ROBO1: variants seen among roughly 807,000 people sequenced by gnomAD.
The protein encoded by ROBO1 is roundabout guidance receptor 1.
ROBO1 carries 149 observed loss-of-function variants against 195.9 expected under a neutral mutation model. That is an observed-to-expected ratio of 0.76 (90% CI 0.67 to 0.87). The LOEUF is 0.87. Ranked by LOEUF, ROBO1 falls within the 40% of genes least tolerant of loss-of-function variation. The pLI is 0.00. For synonymous variants in ROBO1, 816 were observed against 733.2 expected (o/e 1.11, Z -1.82); for missense variants, 1,933 against 2,068.3 (o/e 0.93, Z 1.27).
At chr3:79,599,423 CAGTA>C (rs1944274479) in intron 1 of ROBO1, among the ~76,000 whole-genome samples, 1 of 151,954 alleles carries the variant, frequency 6.6e-6, no homozygotes. Context: ...ATCAATAAAA[CAGTA>C]AGACGGTTGT....
chr3:78,752,494 A>G (rs951396690), intron 4 of ROBO1, among the ~76,000 whole-genome samples: 3 of 152,182 alleles, frequency 2.0e-5, no homozygotes, highest in Admixed American at 6.5e-5. Flanking sequence ...ATCAGAAAGC[A>G]TATCATAAAG....
intron 3 of ROBO1, among the ~76,000 whole-genome samples, chr3:78,996,321 A>C (rs146026873): frequency 0.065 from 972 of 14,936 alleles, 7 homozygotes; most frequent in African/African-American, 0.098. Flanking sequence ...ATCTCTATTA[A>C]AAAAACAAAA....
intron 3 of ROBO1, among the ~76,000 whole-genome samples, chr3:79,086,756 C>A (rs1165609611): frequency 6.6e-6 from 1 of 152,064 alleles, no homozygotes; most frequent in Non-Finnish European, 1.5e-5. Context: ...ATATATTCTA[C>A]GGAAGAGACA....
chr3:78,922,385 C>T (rs987942278), intron 4 of ROBO1, among the ~76,000 whole-genome samples: 16 of 151,888 alleles, frequency 1.1e-4, no homozygotes, highest in African/African-American at 3.9e-4. Context: ...CTCAAAGGTC[C>T]TATCATCAGG....
chr3:79,164,454 C>T (rs528300700), intron 2 of ROBO1, among the ~76,000 whole-genome samples: 1 of 152,276 alleles, frequency 6.6e-6, no homozygotes, highest in Middle Eastern at 3.4e-3. Context: ...ATTGCACCAC[C>T]TTTATAATGT....
chr3:79,678,775 T>G (rs1335008558), intron 1 of ROBO1, among the ~76,000 whole-genome samples: 1 of 152,034 alleles, frequency 6.6e-6, no homozygotes, highest in Non-Finnish European at 1.5e-5. Context: ...TTGCCAGCAA[T>G]TATAGTTTTT....
chr3:79,040,037 TTTAAGTTAGATTGATATTAATAACAAG>T (rs959288734), intron 3 of ROBO1, among the ~76,000 whole-genome samples: 1 of 152,072 alleles, frequency 6.6e-6, no homozygotes, highest in African/African-American at 2.4e-5. Context: ...CTATAGACAA[TTTAAGTTAGATTGATATTAATAACAAG>T]TTACAACCAA....
intron 4 of ROBO1, among the ~76,000 whole-genome samples, chr3:78,914,109 A>G (rs527804471): frequency 6.6e-6 from 1 of 152,288 alleles, no homozygotes; most frequent in Non-Finnish European, 1.5e-5. Context: ...ATTTTAATGT[A>G]TGGGCCGTTA....
intron 2 of ROBO1, among the ~76,000 whole-genome samples, chr3:79,453,660 C>CA (rs2039519300): frequency 6.6e-6 from 1 of 152,008 alleles, no homozygotes; most frequent in African/African-American, 2.4e-5. Context: ...TAAAGACTCA[C>CA]ATCAAAAGCC....
chr3:79,608,066 A>C (rs180726365), intron 1 of ROBO1, among the ~76,000 whole-genome samples: 2 of 152,038 alleles, frequency 1.3e-5, no homozygotes, highest in South Asian at 4.1e-4. Context: ...TTTACAAAAC[A>C]TGAAAATAAA....
At chr3:79,373,279 C>T (rs1291351318) in intron 2 of ROBO1, among the ~76,000 whole-genome samples, 3 of 151,412 alleles carry the variant, frequency 2.0e-5, no homozygotes, top group South Asian at 2.1e-4. Context: ...ATGTAAAACA[C>T]GTTTTTTTTT....
At chr3:78,966,258 G>C (rs1447039650) in intron 3 of ROBO1, among the ~76,000 whole-genome samples, 1 of 152,202 alleles carries the variant, frequency 6.6e-6, no homozygotes, top group East Asian at 1.9e-4. Flanking sequence ...TGCCAAAAAG[G>C]CTGGGGACCT....
At chr3:78,659,902 A>G (rs1707280311) in intron 16 of ROBO1, 95 bp from the exon 17 acceptor site, 2 of 864,936 alleles carry the variant, frequency 2.3e-6, no homozygotes. Flanking sequence ...ATGTATTAAT[A>G]CTATATCAAT....
intron 20 of ROBO1, 91 bp downstream of exon 20, chr3:78,647,538 A>C: frequency 1.7e-5 from 20 of 1,175,208 alleles, no homozygotes; most frequent in Non-Finnish European, 2.4e-5. Context: ...CCCCCAACTT[A>C]CTGCAGAAAA....
chr3:79,035,876 G>C (rs1262267326), intron 3 of ROBO1, among the ~76,000 whole-genome samples: 1 of 151,956 alleles, frequency 6.6e-6, no homozygotes, highest in East Asian at 1.9e-4. Context: ...AACTATCTGG[G>C]ACCATTAAAA....
At chr3:78,989,511 G>A (rs1452345772) in intron 3 of ROBO1, among the ~76,000 whole-genome samples, 2 of 152,192 alleles carry the variant, frequency 1.3e-5, no homozygotes, top group Non-Finnish European at 2.9e-5. Flanking sequence ...CTACTCAGGA[G>A]GCTGACGTGG....
chr3:79,650,892 T>C (rs547781508), intron 1 of ROBO1, among the ~76,000 whole-genome samples: 55 of 152,098 alleles, frequency 3.6e-4, no homozygotes, highest in African/African-American at 1.3e-3. Flanking sequence ...CATGTTTGCG[T>C]GTTATTAAAT....
intron 27 of ROBO1, among the ~76,000 whole-genome samples, chr3:78,617,061 A>G (rs1019735684): frequency 6.6e-6 from 1 of 152,176 alleles, no homozygotes; most frequent in African/African-American, 2.4e-5. Flanking sequence ...TATGCACATT[A>G]CATATACCGT....
intron 3 of ROBO1, among the ~76,000 whole-genome samples, chr3:79,097,564 A>C (rs1166417740): frequency 6.6e-6 from 1 of 151,778 alleles, no homozygotes; most frequent in Non-Finnish European, 1.5e-5. Flanking sequence ...TGTATTATAT[A>C]ATCAAATTGG....
Sources: gnomAD v4.1 joint callset for allele counts (sites outside exome capture counted in the v4.1 genomes callset) on GRCh38, gnomAD v4.1.1 for gene constraint, MANE v1.5 for transcripts, NCBI Gene and HGNC (gene_info 2026-07-23, HGNC 2026-07-21) for gene names.